Variants in ALDH8A1 observed in about 807,000 individuals in gnomAD.
ALDH8A1 encodes the protein 2-aminomuconic semialdehyde dehydrogenase.
In ALDH8A1, 39 loss-of-function variants were observed where a neutral mutation model predicts 43.3. That is an observed-to-expected ratio of 0.90 (90% CI 0.70 to 1.18). The LOEUF is 1.18. Ranked by LOEUF, ALDH8A1 falls within the 50% of genes most tolerant of loss-of-function variation. The pLI is 0.00. For missense variants in ALDH8A1, 605 were observed against 622.6 expected, an observed-to-expected ratio of 0.97 and a Z score of 0.30; for synonymous variants, 233 against 243.5, an observed-to-expected ratio of 0.96 and a Z score of 0.40.
At chr6:134,935,041 A>C (rs894411187) in intron 4 of ALDH8A1, among the ~76,000 whole-genome samples, 1 of 152,176 alleles carries the variant, frequency 6.6e-6, no homozygotes, top group African/African-American at 2.4e-5. Context: ...CTCAGGATAA[A>C]TTTCTGTTCC....
In ALDH8A1 at chr6:134,929,946, A is replaced by C. The variant is rs533215816; in HGVS notation, c.850-731T>G. On this transcript the variant is annotated intron_variant, in intron 5 of 6. Transcript: ENST00000265605. ...GGAAGAGAGCAGAGGAGTTAAGAGA[A>C]TATTCCAGAAGTCCAGATGCGTGTA... 2.6e-5 allele frequency among the ~76,000 whole-genome samples: 4 copies of C among 152,354 alleles called. No homozygotes were observed. The East Asian group carries it at 5.8e-4, about 22-fold the overall frequency.
At chr6:134,935,060 C>CA (rs751765933) in intron 4 of ALDH8A1, among the ~76,000 whole-genome samples, 2 of 152,200 alleles carry the variant, frequency 1.3e-5, no homozygotes, top group Non-Finnish European at 2.9e-5. Context: ...CCCTTTGCCC[C>CA]TCCTCCAAGT....
At chr6:134,928,379 G>A (rs1201121150) in intron 6 of ALDH8A1, among the ~76,000 whole-genome samples, 2 of 152,168 alleles carry the variant, frequency 1.3e-5, no homozygotes, top group Non-Finnish European at 2.9e-5. Flanking sequence ...ACAAACTTAC[G>A]TAAATGCTCT....
At chr6:134,923,124 T>C (rs1028425921) in intron 6 of ALDH8A1, among the ~76,000 whole-genome samples, 2 of 152,190 alleles carry the variant, frequency 1.3e-5, no homozygotes, top group African/African-American at 4.8e-5. Context: ...CTCCTGGGGT[T>C]CAGGTGATCC....
rs1328762268 is a variant in ALDH8A1, at chr6:134,941,717, G to A, written c.442+692C>T. Reference sequence around the variant, plus strand: ...TTTTTGTATTTTTAGTAGAGACGGGGTTTCACCATGGTGGCCAGGCTGATC... The same window carrying A: ...TTTTTGTATTTTTAGTAGAGACGGGATTTCACCATGGTGGCCAGGCTGATC... On this transcript the variant is annotated intron_variant, in intron 3 of 6. Coordinates refer to ENST00000265605, the MANE Select transcript of ALDH8A1 (RefSeq NM_022568.4). 2.0e-5 allele frequency among the ~76,000 whole-genome samples: 3 copies of A among 151,902 alleles called. No individual in the cohort carries two copies. The South Asian group carries it at 6.2e-4, about 32-fold the overall frequency.
rs544667948 is a variant in ALDH8A1, at chr6:134,932,995, G to A, written c.630C>T (p.Thr210=). ...CCAGGGCCTCACCCACCCTGGGCCC[G>A]GTTCCAAACACAATATTGACCACAC... ...PPGVVNIVFG[T]GPRVGEALVS... The change falls in exon 5 of 7, where the codon ACC becomes ACT. Residue 210 remains threonine, a synonymous_variant. Coordinates refer to ENST00000265605, the MANE Select transcript of ALDH8A1 (RefSeq NM_022568.4). 34 of 1,604,478 alleles carry A rather than the reference G, an allele frequency of 2.1e-5. No individual in the cohort carries two copies. The highest frequency in any genetic ancestry group is 1.7e-4 in the Middle Eastern group (1 of 5,996).
In ALDH8A1 at chr6:134,948,926, G is replaced by A. The variant is rs113160011; in HGVS notation, c.138+990C>T. ...TTCCCAGAGCTGTGTTAAGTCATTT[G>A]AAGCAAACAAAATTGCAGTTTATAA... On this transcript the variant is annotated intron_variant, in intron 1 of 6. Transcript: ENST00000265605. Among the ~76,000 whole-genome samples the A allele has an allele frequency of 2.2e-3, 334 of 152,258 alleles. 2 individuals carry two copies. Among genetic ancestry groups the A allele is most frequent in the African/African-American group, 7.4e-3 (307 of 41,550 alleles).
intron 1 of ALDH8A1, among the ~76,000 whole-genome samples, chr6:134,947,599 T>C (rs762042279): frequency 6.6e-6 from 1 of 152,014 alleles, no homozygotes; most frequent in Non-Finnish European, 1.5e-5. Flanking sequence ...TAAAGAGATA[T>C]TCCACAAAAA....
At chr6:134,944,923 ATATATAG>A (rs964441557) in intron 1 of ALDH8A1, among the ~76,000 whole-genome samples, 2 of 147,778 alleles carry the variant, frequency 1.4e-5, no homozygotes, top group African/African-American at 4.9e-5. Context: ...TATACTATAT[ATATATAG>A]TATATATAGT....
chr6:134,920,787 A>G (rs945845587), intron 6 of ALDH8A1, among the ~76,000 whole-genome samples: 2 of 152,234 alleles, frequency 1.3e-5, no homozygotes, highest in Non-Finnish European at 2.9e-5. Flanking sequence ...CTATAAATAC[A>G]AGAAATTATT....
At chr6:134,927,197 CA>C (rs1290447000) in intron 6 of ALDH8A1, among the ~76,000 whole-genome samples, 1 of 152,148 alleles carries the variant, frequency 6.6e-6, no homozygotes, top group Admixed American at 6.6e-5. Context: ...ATAGAATCTG[CA>C]ATCTATGCCA....
At chr6:134,938,091 G>A (rs1303667761) in intron 4 of ALDH8A1, among the ~76,000 whole-genome samples, 1 of 152,172 alleles carries the variant, frequency 6.6e-6, no homozygotes, top group Admixed American at 6.5e-5. Context: ...CGGGAGAGAG[G>A]GACGGACTCT....
At chr6:134,946,449 T>G (rs536091544) in intron 1 of ALDH8A1, among the ~76,000 whole-genome samples, 2 of 152,274 alleles carry the variant, frequency 1.3e-5, no homozygotes, top group South Asian at 4.1e-4. Context: ...GCACAACTTA[T>G]GTCCATGTAA....
intron 6 of ALDH8A1, 84 bp from the exon 7 acceptor site, chr6:134,918,951 T>A: frequency 1.4e-6 from 2 of 1,433,176 alleles, no homozygotes; most frequent in Non-Finnish European, 9.6e-7. Context: ...TTTCTAATCA[T>A]CTCGGAAGGA....
intron 4 of ALDH8A1, among the ~76,000 whole-genome samples, chr6:134,933,751 A>G (rs536516408): frequency 6.6e-6 from 1 of 152,244 alleles, no homozygotes; most frequent in Admixed American, 6.5e-5. Flanking sequence ...CTCTATTGCC[A>G]AGGCTGCAGT....
intron 6 of ALDH8A1, among the ~76,000 whole-genome samples, chr6:134,927,710 A>G (rs1370691601): frequency 1.3e-5 from 2 of 152,222 alleles, no homozygotes; most frequent in Non-Finnish European, 2.9e-5. Context: ...AGTGAATTGC[A>G]CAGGGAACCT....
chr6:134,932,181 G>A (rs1776996080), intron 5 of ALDH8A1, among the ~76,000 whole-genome samples: 1 of 152,178 alleles, frequency 6.6e-6, no homozygotes. Context: ...TTGATCTGGT[G>A]TAGTGTTCTT....
intron 2 of ALDH8A1, 140 bp downstream of exon 2, chr6:134,943,679 G>C: frequency 4.6e-6 from 6 of 1,318,508 alleles, no homozygotes; most frequent in Non-Finnish European, 6.2e-6. Flanking sequence ...CCCAGGCCTG[G>C]AGCAGGGGAG....
At position 134,949,993 on chromosome 6, in the gene ALDH8A1, A is replaced by G. The variant is rs775919043; in HGVS notation, c.61T>C (p.Cys21Arg). Residue 21 changes from cysteine (C) to arginine (R), a missense_variant, in exon 1 of 7, where the codon TGT becomes CGT. Cys to Arg is a radical substitution (Grantham distance 180, BLOSUM62 -3). Coordinates refer to ENST00000265605, the MANE Select transcript of ALDH8A1 (RefSeq NM_022568.4). ...TCGTAAGAATCTATATATGAGCTAC[A>G]AGGTAAAAATTTTCCATCTATGAAG... ...ENFIDGKFLP[C>R]SSYIDSYDPS... 1.2e-6 allele frequency: 2 copies of G among 1,613,276 alleles called. No individual in the cohort carries two copies. The highest frequency in any genetic ancestry group is 1.7e-6 in the Non-Finnish European group (2 of 1,179,598).
Sources: allele counts gnomAD v4.1 joint callset (sites outside exome capture counted in the v4.1 genomes callset), GRCh38; gene constraint gnomAD v4.1.1; transcripts MANE v1.5; gene names NCBI Gene and HGNC (gene_info 2026-07-23, HGNC 2026-07-21).